Variants in IQCM observed in about 807,000 individuals in gnomAD.
The protein encoded by IQCM is IQ motif containing M, also known as IQ domain-containing protein M.
Under a neutral mutation model 57.6 loss-of-function variants are expected in IQCM, and 45 were observed. That is an observed-to-expected ratio of 0.78 (90% confidence interval 0.62 to 1.00). IQCM has a LOEUF of 1.00. Among genes scored for constraint, IQCM ranks in the 50% least tolerant of loss-of-function variants. IQCM has a pLI of 0.00. For missense variants in IQCM, 468 were observed against 511.6 expected (o/e 0.91, Z 0.82); for synonymous variants, 148 against 158.9 (o/e 0.93, Z 0.51).
chr4:149,473,607 C>G (rs1739836639), intron 12 of IQCM, among the ~76,000 whole-genome samples: 1 of 152,196 alleles, frequency 6.6e-6, no homozygotes, highest in Non-Finnish European at 1.5e-5. Flanking sequence ...CCATTTGACC[C>G]AGCCATCCCA....
chr4:149,750,259 T>C (rs147509087), intron 2 of IQCM, among the ~76,000 whole-genome samples: 23 of 152,312 alleles, frequency 1.5e-4, no homozygotes, highest in Admixed American at 9.8e-4. Context: ...CAAAAACTGG[T>C]TTCAGAAAAG....
intron 9 of IQCM, among the ~76,000 whole-genome samples, chr4:149,566,960 A>G (rs749376994): frequency 6.6e-6 from 1 of 152,190 alleles, no homozygotes; most frequent in Non-Finnish European, 1.5e-5. Context: ...GTGAATCCTT[A>G]ACTATAAAAC....
intron 5 of IQCM, among the ~76,000 whole-genome samples, chr4:149,689,537 G>A (rs1580004774): frequency 6.6e-6 from 1 of 151,820 alleles, no homozygotes; most frequent in East Asian, 1.9e-4. Flanking sequence ...AGAACTTAAA[G>A]TATAATAATA....
At chr4:149,769,773 C>T (rs2149984425) in intron 2 of IQCM, among the ~76,000 whole-genome samples, 1 of 150,544 alleles carries the variant, frequency 6.6e-6, no homozygotes, top group East Asian at 2.0e-4. Flanking sequence ...AATAACAGAG[C>T]TTGAAACTAC....
At chr4:149,673,815 T>C (rs1761520671) in intron 7 of IQCM, among the ~76,000 whole-genome samples, 3 of 152,126 alleles carry the variant, frequency 2.0e-5, no homozygotes, top group Admixed American at 2.0e-4. Flanking sequence ...ATCAACAGAA[T>C]ATACATTCTT....
At chr4:149,739,490 C>A (rs1413519873) in intron 3 of IQCM, among the ~76,000 whole-genome samples, 2 of 150,562 alleles carry the variant, frequency 1.3e-5, no homozygotes, top group African/African-American at 4.9e-5. Context: ...TTTTAGTCAA[C>A]CCTCATTTCT....
chr4:149,644,620 A>G lies in IQCM; in HGVS notation c.566-23376T>C, dbSNP rs569576253. Among the ~76,000 whole-genome samples the G allele has an allele frequency of 1.2e-4, 18 of 152,278 alleles. 1 individual carries two copies. The highest frequency in any genetic ancestry group is 3.4e-3 in the Middle Eastern group (1 of 294). On this transcript the variant is annotated intron_variant, in intron 7 of 13. Transcript: ENST00000636793. ...ATTGTTACCAGTTTGAGGTTATTAC[A>G]GAGTATGCTGCTGTGAACATTCCTG... is the stretch of plus-strand genomic sequence containing the variant.
intron 13 of IQCM, among the ~76,000 whole-genome samples, chr4:149,393,256 T>C (rs115791985): frequency 0.026 from 3,922 of 151,986 alleles, 140 homozygotes; most frequent in African/African-American, 0.087. Context: ...TTTCTGGAGA[T>C]TAAAAATATA....
At chr4:149,696,576 T>C (rs761725293) in intron 5 of IQCM, among the ~76,000 whole-genome samples, 24 of 152,158 alleles carry the variant, frequency 1.6e-4, no homozygotes, top group Non-Finnish European at 3.1e-4. Flanking sequence ...TTCAGACTTA[T>C]GTATGCATTA....
At chr4:149,492,170 T>C (rs1336590043) in intron 12 of IQCM, among the ~76,000 whole-genome samples, 1 of 152,096 alleles carries the variant, frequency 6.6e-6, no homozygotes, top group African/African-American at 2.4e-5. Context: ...ATCAGATACA[T>C]GGTTTGCAAG....
chr4:149,439,980 A>T (rs1278260810), intron 12 of IQCM, among the ~76,000 whole-genome samples: 5 of 149,810 alleles, frequency 3.3e-5, no homozygotes, highest in African/African-American at 4.9e-5. Flanking sequence ...TTTTTGAGAC[A>T]GAGTTTTGCT....
chr4:149,687,337 C>T (rs80145953), intron 5 of IQCM, among the ~76,000 whole-genome samples: 208 of 151,444 alleles, frequency 1.4e-3, no homozygotes, highest in African/African-American at 4.5e-3. Flanking sequence ...AGTCGGCCTT[C>T]GGTGTCCTTG....
Position 149,468,241 on chromosome 4 carries a change from A to G in IQCM, c.1229-34684T>C, listed in dbSNP as rs12647769. On this transcript the variant is annotated intron_variant, in intron 12 of 13. Transcript: ENST00000636793. ...CCTTTCCTAGCAAAGGGAAGCCATG[A>G]CCAACAGTACCTGGAAAATCAGGAC... Among the ~76,000 whole-genome samples the G allele has an allele frequency of 0.01, 1,539 of 152,168 alleles. 91 individuals are homozygous for G. In the East Asian group the frequency reaches 0.19, roughly 18 times the overall value.
chr4:149,544,880 A>C (rs1325576751), intron 12 of IQCM, among the ~76,000 whole-genome samples: 1 of 152,218 alleles, frequency 6.6e-6, no homozygotes, highest in Non-Finnish European at 1.5e-5. Flanking sequence ...TTAACACCAT[A>C]TTTAAAAATT....
intron 10 of IQCM, among the ~76,000 whole-genome samples, chr4:149,553,669 T>C (rs1231316621): frequency 6.6e-6 from 1 of 152,206 alleles, no homozygotes; most frequent in Non-Finnish European, 1.5e-5. Context: ...CTCTGGGTGC[T>C]CAAATCTTTG....
intron 7 of IQCM, among the ~76,000 whole-genome samples, chr4:149,648,504 T>TAC (rs1758852066): frequency 6.6e-6 from 1 of 151,990 alleles, no homozygotes. Context: ...AATAAACATA[T>TAC]ATGTGCATGT....
At chr4:149,687,755 T>A (rs1049362858) in intron 5 of IQCM, among the ~76,000 whole-genome samples, 1 of 151,868 alleles carries the variant, frequency 6.6e-6, no homozygotes, top group Non-Finnish European at 1.5e-5. Context: ...GCCACCATGA[T>A]CAAGTGGGTT....
chr4:149,450,102 C>A (rs1193407866), intron 12 of IQCM, among the ~76,000 whole-genome samples: 1 of 151,658 alleles, frequency 6.6e-6, no homozygotes, highest in Non-Finnish European at 1.5e-5. Flanking sequence ...AGAACATATA[C>A]TGGGGAAAAG....
intron 8 of IQCM, among the ~76,000 whole-genome samples, chr4:149,598,094 T>C (rs887975302): frequency 1.3e-5 from 2 of 152,148 alleles, no homozygotes; most frequent in African/African-American, 4.8e-5. Flanking sequence ...CATTATCAAT[T>C]GAAGTATTTT....
Sources: gnomAD v4.1 joint callset for allele counts (sites outside exome capture counted in the v4.1 genomes callset) on GRCh38, gnomAD v4.1.1 for gene constraint, MANE v1.5 for transcripts, NCBI Gene and HGNC (gene_info 2026-07-23, HGNC 2026-07-21) for gene names.